Variants in VWA3B observed in about 807,000 individuals in gnomAD.
The protein encoded by VWA3B is von Willebrand factor A domain-containing protein 3B.
A neutral mutation model predicts 158.3 loss-of-function variants in VWA3B; 138 were observed. The observed-to-expected ratio is 0.87, with a 90% CI of 0.76 to 1.00. The LOEUF (loss-of-function observed/expected upper bound fraction) is 1.00, where lower values mean the gene tolerates loss of function less well. Among genes scored for constraint, VWA3B ranks in the 50% least tolerant of loss-of-function variants. The pLI is 0.00. For synonymous variants in VWA3B, 596 were observed against 587.3 expected (o/e 1.01, Z -0.21); for missense variants, 1,555 against 1,565.1 (o/e 0.99, Z 0.11).
intron 13 of VWA3B, among the ~76,000 whole-genome samples, chr2:98,215,040 ATATGT>A (rs1683857673): frequency 6.6e-6 from 1 of 152,208 alleles, no homozygotes; most frequent in Non-Finnish European, 1.5e-5. Flanking sequence ...TCTCCCAATA[ATATGT>A]ATAAAAATAC....
chr2:98,091,158 T>A (rs1682263778), intron 1 of VWA3B, among the ~76,000 whole-genome samples: 1 of 152,168 alleles, frequency 6.6e-6, no homozygotes, highest in Non-Finnish European at 1.5e-5. Context: ...TAGAATGCAG[T>A]CCTACTGGAA....
At chr2:98,203,264 G>C (rs980520408) in intron 12 of VWA3B, among the ~76,000 whole-genome samples, 1 of 152,138 alleles carries the variant, frequency 6.6e-6, no homozygotes, top group African/African-American at 2.4e-5. Context: ...TCTTTGTATG[G>C]GTTCCCTGTT....
At chr2:98,135,052 TAAG>T (rs1463747792) in intron 7 of VWA3B, among the ~76,000 whole-genome samples, 2 of 152,194 alleles carry the variant, frequency 1.3e-5, no homozygotes, top group African/African-American at 4.8e-5. Context: ...GATGCTAATC[TAAG>T]AAGAAATTAA....
intron 12 of VWA3B, chr2:98,207,183 G>T: frequency 1.8e-6 from 1 of 550,610 alleles, no homozygotes; most frequent in South Asian, 1.4e-5. Context: ...TGTGGGGAAA[G>T]AATTGCCACT....
At chr2:98,310,418 C>A (rs1690815763) in intron 26 of VWA3B, among the ~76,000 whole-genome samples, 1 of 152,176 alleles carries the variant, frequency 6.6e-6, no homozygotes, top group African/African-American at 2.4e-5. Flanking sequence ...CTACCTTGTT[C>A]TTTCCATGCT....
chr2:98,309,532 T>C (rs1458167124), intron 26 of VWA3B, among the ~76,000 whole-genome samples: 12 of 152,196 alleles, frequency 7.9e-5, no homozygotes, highest in Admixed American at 7.9e-4. Context: ...ATCTGTCTTT[T>C]GAGCAGTTGA....
intron 7 of VWA3B, among the ~76,000 whole-genome samples, chr2:98,146,100 G>A (rs1410619075): frequency 6.6e-6 from 1 of 151,848 alleles, no homozygotes; most frequent in Non-Finnish European, 1.5e-5. Context: ...TTGAGTTCTT[G>A]AATTTCTGCT....
intron 19 of VWA3B, among the ~76,000 whole-genome samples, chr2:98,239,327 C>T (rs930885841): frequency 8.6e-5 from 13 of 151,732 alleles, no homozygotes; most frequent in African/African-American, 2.9e-4. Flanking sequence ...AAGTTTCACA[C>T]GATGAAAAGT....
chr2:98,149,245 T>G (rs1479648914), intron 7 of VWA3B, among the ~76,000 whole-genome samples: 1 of 152,254 alleles, frequency 6.6e-6, no homozygotes, highest in Non-Finnish European at 1.5e-5. Flanking sequence ...ATATTATTGT[T>G]ACTGGTGGAG....
At chr2:98,161,296 C>A (rs1164761580) in intron 7 of VWA3B, among the ~76,000 whole-genome samples, 2 of 152,230 alleles carry the variant, frequency 1.3e-5, no homozygotes, top group Non-Finnish European at 2.9e-5. Context: ...GTATACCCAG[C>A]CTAAAAGCAT....
chr2:98,176,153 A>G lies in VWA3B; in HGVS notation c.1115-4863A>G, dbSNP rs1286311128. On this transcript the variant is annotated intron_variant, in intron 8 of 27. Coordinates refer to ENST00000477737, the MANE Select transcript of VWA3B (RefSeq NM_144992.5). ...GGGCTGAAACCTCACTCATCTCACC[A>G]GCAGGCGAGACCACATTTCTTTTCC... Among the ~76,000 whole-genome samples the G allele has an allele frequency of 3.9e-5, 6 of 152,230 alleles. No individual in the cohort carries two copies. The East Asian group carries it at 1.2e-3, about 29-fold the overall frequency.
chr2:98,319,509 T>G, the VWA3B span, among the ~76,000 whole-genome samples: 2 of 152,136 alleles, frequency 1.3e-5, no homozygotes, highest in Admixed American at 6.5e-5. Flanking sequence ...CAATGAACTA[T>G]CTATAAAGCT....
rs759882934 is a variant in VWA3B, at chr2:98,236,427, C to A, written c.2466C>A (p.Asp822Glu). The A allele has an allele frequency of 1.9e-6, 3 of 1,614,056 alleles. No homozygotes were observed. In the African/African-American group the frequency reaches 4.0e-5, roughly 22 times the overall value. ...SILLAEEWLD[D>E]KSSEKVTREG... ...TGCTGGCTGAGGAGTGGCTGGATGA[C>A]AAATCGTCAGAAAAGGTGACGCGAG... The change falls in exon 18 of 28, where the codon GAC (aspartate) becomes GAA (glutamate). Residue 822 changes from aspartate to glutamate, a missense_variant. Coordinates refer to ENST00000477737, the MANE Select transcript of VWA3B (RefSeq NM_144992.5).
intron 2 of VWA3B, among the ~76,000 whole-genome samples, chr2:98,098,034 G>A (rs1682831426): frequency 6.6e-6 from 1 of 152,052 alleles, no homozygotes; most frequent in Non-Finnish European, 1.5e-5. Context: ...ATTTTCCAAA[G>A]TTCCTCCTAG....
chr2:98,274,300 A>G (rs62157908), intron 22 of VWA3B, among the ~76,000 whole-genome samples: 20,419 of 152,246 alleles, frequency 0.13, 2,089 homozygotes, highest in Non-Finnish European at 0.2. Flanking sequence ...ACTGACAGTG[A>G]AGCCCAGTGC....
At chr2:98,275,403 T>C (rs1391145191) in intron 22 of VWA3B, among the ~76,000 whole-genome samples, 1 of 151,992 alleles carries the variant, frequency 6.6e-6, no homozygotes, top group African/African-American at 2.4e-5. Flanking sequence ...TTGGAGGTAA[T>C]TTCAGGTGCT....
intron 2 of VWA3B, among the ~76,000 whole-genome samples, chr2:98,093,799 G>A (rs377075188): frequency 5.9e-5 from 9 of 151,962 alleles, no homozygotes; most frequent in East Asian, 3.9e-4. Context: ...GATTCCCACC[G>A]CCACAACCAC....
intron 21 of VWA3B, among the ~76,000 whole-genome samples, chr2:98,265,980 C>T (rs1203930099): frequency 7.2e-6 from 1 of 139,652 alleles, no homozygotes; most frequent in Non-Finnish European, 1.6e-5. Context: ...AAAATTTTCT[C>T]CCATTTTGTA....
chr2:98,230,042 C>A lies in VWA3B; in HGVS notation c.2151-8C>A. 1 of 1,559,492 alleles carries A rather than the reference C, an allele frequency of 6.4e-7. No individual in the cohort carries two copies. Among genetic ancestry groups the A allele is most frequent in the South Asian group, 1.2e-5 (1 of 82,162 alleles). On this transcript the variant is annotated splice_polypyrimidine_tract_variant and splice_region_variant and intron_variant, in intron 15 of 27. Coordinates refer to ENST00000477737, the MANE Select transcript of VWA3B (RefSeq NM_144992.5). Reference sequence around the variant, plus strand: ...TTTTTGCTCGACTTTTTATCTAAATCAAAACAGGCATCAAAAGGAAATCTG... The same window carrying A: ...TTTTTGCTCGACTTTTTATCTAAATAAAAACAGGCATCAAAAGGAAATCTG...
Sources: gnomAD v4.1 joint callset for allele counts (sites outside exome capture counted in the v4.1 genomes callset) on GRCh38, gnomAD v4.1.1 for gene constraint, MANE v1.5 for transcripts, NCBI Gene and HGNC (gene_info 2026-07-23, HGNC 2026-07-21) for gene names.